SRXN1: variants seen among roughly 807,000 people sequenced by gnomAD.
SRXN1 encodes the protein sulfiredoxin-1.
In SRXN1, 11 loss-of-function variants were observed where a neutral mutation model predicts 11.0. That is an observed-to-expected ratio of 1.00 (90% CI 0.63 to 1.65). The LOEUF is 1.65. SRXN1 is among the 40% of genes most tolerant of loss of function. SRXN1 has a pLI of 0.00. For synonymous variants in SRXN1, 106 were observed against 92.8 expected, an observed-to-expected ratio of 1.14 and a Z score of -0.82; for missense variants, 211 against 194.5, an observed-to-expected ratio of 1.08 and a Z score of -0.50.
intron 1 of SRXN1, among the ~76,000 whole-genome samples, chr20:650,496 G>T (rs1011907306): frequency 2.6e-5 from 4 of 152,202 alleles, no homozygotes; most frequent in African/African-American, 9.6e-5. Flanking sequence ...GGGGCAGGAC[G>T]GGTGCAGGGT....
In SRXN1 at chr20:652,165, C is replaced by T. The variant is rs138516311; in HGVS notation, c.210+811G>A. Among the ~76,000 whole-genome samples the T allele has an allele frequency of 1.8e-3, 271 of 152,184 alleles. 1 individual carries two copies. Among genetic ancestry groups the T allele is most frequent in the African/African-American group, 6.2e-3 (258 of 41,514 alleles). On this transcript the variant is annotated intron_variant, in intron 1 of 1. Transcript: ENST00000381962. ...GCTGAACCAGGCAGGGGAGCAGGCC[C>T]TGTGGTTGTCTGGGGAAGTGGCTCC...
chr20:652,551 G>A (rs1983700501), intron 1 of SRXN1, among the ~76,000 whole-genome samples: 1 of 152,138 alleles, frequency 6.6e-6, no homozygotes, highest in South Asian at 2.1e-4. Context: ...CATGTGCTGG[G>A]CAGTGGGGCC....
chr20:651,766 C>T (rs1269395390), intron 1 of SRXN1, among the ~76,000 whole-genome samples: 2 of 151,728 alleles, frequency 1.3e-5, no homozygotes, highest in African/African-American at 4.8e-5. Context: ...AGCTCCTAAC[C>T]CGGTAGGGAT....
chr20:649,054 G>A, intron 1 of SRXN1, 137 bp from the exon 2 acceptor site: 4 of 917,236 alleles, frequency 4.4e-6, no homozygotes, highest in Non-Finnish European at 4.9e-6. Context: ...TTAATTATCA[G>A]GAATTTTGTG....
At position 646,873 on chromosome 20, in the gene SRXN1, T is replaced by C. The variant is rs546328538; in HGVS notation, c.*1841A>G. On this transcript the variant is annotated 3_prime_UTR_variant, in exon 2 of 2. Transcript: ENST00000381962. The stretch of plus-strand genomic sequence containing the variant: ...CCAAGACCCAATCCAGGATGCCACA[T>C]TGCACTGAAGACACTCTCCCTTTTC... The C allele has an allele frequency of 2.6e-5, 4 of 152,302 alleles. No individual in the cohort carries two copies. The highest frequency in any genetic ancestry group is 2.1e-4 in the South Asian group (1 of 4,826). 9.4% of individuals were successfully genotyped at this position (152,302 alleles called of 1,614,324 possible).
chr20:647,698 T>C lies in SRXN1; in HGVS notation c.*1016A>G, dbSNP rs1983565777. The C allele has an allele frequency of 3.3e-6, 1 of 300,778 alleles. No individual in the cohort carries two copies. The highest frequency in any genetic ancestry group is 6.5e-6 in the Non-Finnish European group (1 of 154,634). The allele number at this position is 300,778 out of a possible 1,614,324, so 18.6% of individuals were successfully genotyped here. ...AGCTGAGGTAACAGCTGACCTTAGC[T>C]CCATGAGGGATCCCAGGTGTGAGCA... On this transcript the variant is annotated 3_prime_UTR_variant, in exon 2 of 2. Transcript: ENST00000381962.
chr20:650,415 T>G (rs910172541), intron 1 of SRXN1, among the ~76,000 whole-genome samples: 1 of 151,988 alleles, frequency 6.6e-6, no homozygotes, highest in Non-Finnish European at 1.5e-5. Context: ...AGGGAGAATC[T>G]AAGTTGACTT....
chr20:651,700 A>T (rs1156484081), intron 1 of SRXN1, among the ~76,000 whole-genome samples: 1 of 150,936 alleles, frequency 6.6e-6, no homozygotes, highest in Admixed American at 6.6e-5. Flanking sequence ...AAAAAAAAAA[A>T]GCCAGTGAGA....
chr20:649,023 G>A, intron 1 of SRXN1, 106 bp from the exon 2 acceptor site: 1 of 1,171,538 alleles, frequency 8.5e-7, no homozygotes, highest in Non-Finnish European at 1.2e-6. Flanking sequence ...GATCACACTG[G>A]ACTACTGTGA....
At chr20:649,183 G>A (rs902528294) in intron 1 of SRXN1, among the ~76,000 whole-genome samples, 133 of 152,218 alleles carry the variant, frequency 8.7e-4, no homozygotes, top group African/African-American at 3.1e-3. Flanking sequence ...CACACCACAT[G>A]CACACTATCC....
rs941744942 is a variant in SRXN1 at position 648,415 on chromosome 20, G to GT, written c.*298dup. 6.1e-5 allele frequency: 35 copies of GT among 575,256 alleles called. No individual in the cohort carries two copies. The highest frequency in any genetic ancestry group is 6.1e-4 in the African/African-American group (33 of 54,330). The allele number at this position is 575,256 out of a possible 1,614,324, so 35.6% of individuals were successfully genotyped here. On this transcript the variant is annotated 3_prime_UTR_variant, in exon 2 of 2. Coordinates refer to ENST00000381962, the MANE Select transcript of SRXN1 (RefSeq NM_080725.3). ...TAGACAAAAATGCAGAGGGATCCTT[G>GT]TCCTTGGGAATTTGGAGCCGGCAGC...
At position 653,192 on chromosome 20, in the gene SRXN1, C is replaced by G. The variant is rs1205035402; in HGVS notation, c.-7G>C. The G allele has an allele frequency of 8.1e-6, 10 of 1,231,096 alleles. No individual in the cohort carries two copies. The Admixed American group carries it at 2.4e-4, about 30-fold the overall frequency. 76.3% of individuals were successfully genotyped at this position (1,231,096 alleles called of 1,614,324 possible). A position where few individuals can be genotyped will look rare whatever the true frequency, so the allele number is the denominator to read the frequency against. ...CTCCTGCACGCAGCCCCATCGTCGCCGCCGCCGCGGGACTCGCCGCCTCCC... is the reference window on the plus strand; with the variant it reads ...CTCCTGCACGCAGCCCCATCGTCGCGGCCGCCGCGGGACTCGCCGCCTCCC... On this transcript the variant is annotated 5_prime_UTR_variant, in exon 1 of 2. Coordinates refer to ENST00000381962, the MANE Select transcript of SRXN1 (RefSeq NM_080725.3).
In SRXN1 at chr20:648,893, T is replaced by TG; in HGVS notation, c.234dup (p.Ile79HisfsTer13). ...GCCCCTTTGATCCAGAGGACATCGA[T>TG]GGGGGGCACGCTGTCTGGGTCCTCC... is the stretch of plus-strand genomic sequence containing the variant. On this transcript the variant is annotated frameshift_variant, in exon 2 of 2. Coordinates refer to ENST00000381962, the MANE Select transcript of SRXN1 (RefSeq NM_080725.3). LOFTEE classifies it high-confidence loss of function. 1.2e-6 allele frequency: 2 copies of TG among 1,614,054 alleles called. No homozygotes were observed. The highest frequency in any genetic ancestry group is 8.5e-7 in the Non-Finnish European group (1 of 1,180,008).
intron 1 of SRXN1, among the ~76,000 whole-genome samples, chr20:649,852 G>T (rs1316796034): frequency 6.6e-6 from 1 of 152,210 alleles, no homozygotes; most frequent in Non-Finnish European, 1.5e-5. Flanking sequence ...ATTGGATGGA[G>T]ATAACAGATC....
At position 648,910 on chromosome 20, in the gene SRXN1, G is replaced by C. The variant is rs780350207; in HGVS notation, c.218C>G (p.Pro73Arg). ...GACATCGATGGGGGGCACGCTGTCT[G>C]GGTCCTCCTGGGGAGAAGAGGCACA... ...QSLVDTIREDPDSVPPIDVLW... is the reference protein window; with the variant it reads ...QSLVDTIREDRDSVPPIDVLW... The change falls in exon 2 of 2, where the codon CCA becomes CGA. Residue 73 changes from proline to arginine, a missense_variant. Transcript: ENST00000381962. 2.5e-6 allele frequency: 4 copies of C among 1,614,068 alleles called. No individual in the cohort carries two copies. The highest frequency in any genetic ancestry group is 2.2e-5 in the East Asian group (1 of 44,882).
In SRXN1 at chr20:648,789, G is replaced by A. The variant is rs1474514391; in HGVS notation, c.339C>T (p.Ile113=). The A allele has an allele frequency of 1.2e-6, 2 of 1,614,266 alleles. No homozygotes were observed. Among genetic ancestry groups the A allele is most frequent in the South Asian group, 2.2e-5 (2 of 91,092 alleles). The change falls in exon 2 of 2, where the codon ATC becomes ATT. Residue 113 remains isoleucine (I), a synonymous_variant. Transcript: ENST00000381962. ...GAGTGGACTGGACAAGCTTGGCGGG[G>A]ATGGTCTCTCGCTGCAGTTGCTGGT... is the stretch of plus-strand genomic sequence containing the variant. The part of the protein sequence containing the change: ...AAYQQLQRET[I]PAKLVQSTLS...
rs1983592331 is a variant in SRXN1 at position 648,508 on chromosome 20, A to G, written c.*206T>C. 2 of 658,904 alleles carry G rather than the reference A, an allele frequency of 3.0e-6. No individual in the cohort carries two copies. Among genetic ancestry groups the G allele is most frequent in the South Asian group, 1.7e-5 (1 of 59,818 alleles). 40.8% of individuals were successfully genotyped at this position (658,904 alleles called of 1,614,324 possible). A position where few individuals can be genotyped will look rare whatever the true frequency, so the allele number is the denominator to read the frequency against. On this transcript the variant is annotated 3_prime_UTR_variant, in exon 2 of 2. Transcript: ENST00000381962. ...GCTTCAAGGGTAAGGCCATGATCCT[A>G]TTGTCACAGAGGTGGGAACTGGGGC... is the stretch of plus-strand genomic sequence containing the variant.
chr20:651,673 G>A (rs1176476722), intron 1 of SRXN1, among the ~76,000 whole-genome samples: 1 of 145,724 alleles, frequency 6.9e-6, no homozygotes, highest in African/African-American at 2.6e-5. Context: ...GACAGACCCA[G>A]ACAACGTCTT....
At chr20:651,545 G>A (rs1401687766) in intron 1 of SRXN1, among the ~76,000 whole-genome samples, 4 of 152,116 alleles carry the variant, frequency 2.6e-5, no homozygotes, top group African/African-American at 4.8e-5. Flanking sequence ...TTAGCCAGGC[G>A]TGGTGGTGGG....
Sources: allele counts gnomAD v4.1 joint callset (sites outside exome capture counted in the v4.1 genomes callset), GRCh38; gene constraint gnomAD v4.1.1; transcripts MANE v1.5; gene names NCBI Gene and HGNC (gene_info 2026-07-23, HGNC 2026-07-21).